The following PIGU variants were observed in gnomAD, a reference collection of about 807,000 sequenced individuals.
PIGU encodes the protein phosphatidylinositol glycan anchor biosynthesis class U, also known as GPI-anchor transamidase component PIGU.
In PIGU, 24 loss-of-function variants were observed where a neutral mutation model predicts 49.9. The observed-to-expected ratio is 0.48, with a 90% CI of 0.35 to 0.68. The LOEUF (loss-of-function observed/expected upper bound fraction) is 0.68. Ranked by LOEUF, PIGU falls within the 30% of genes least tolerant of loss-of-function variation. PIGU has a pLI of 0.01. For missense variants in PIGU, 490 were observed against 532.6 expected (o/e 0.92, Z 0.79); for synonymous variants, 220 against 205.7 (o/e 1.07, Z -0.59).
Position 34,585,455 on chromosome 20 carries a change from G to C in PIGU, c.908C>G (p.Pro303Arg). The change falls in exon 9 of 12, where the codon CCC becomes CGC. Residue 303 changes from proline to arginine, a missense_variant. Transcript: ENST00000217446. ...FQINVFFYTI[P>R]LAIKLKEHPI... The stretch of plus-strand genomic sequence containing the variant: ...CACTTACTTTAGCTTTATGGCTAAG[G>C]GGATGGTGTAGAAGAAGACGTTGAT... 6.2e-7 allele frequency: 1 copy of C among 1,614,180 alleles called. No homozygotes were observed. The highest frequency in any genetic ancestry group is 8.5e-7 in the Non-Finnish European group (1 of 1,179,992).
intron 11 of PIGU, 45 bp from the exon 12 acceptor site, chr20:34,561,024 CT>C (rs1341191327): frequency 7.2e-7 from 1 of 1,384,768 alleles, no homozygotes; most frequent in Non-Finnish European, 1.0e-6. Flanking sequence ...GTACCTCCCC[CT>C]AAACCCAGGA....
chr20:34,580,845 T>G (rs1983431521), intron 10 of PIGU, among the ~76,000 whole-genome samples: 1 of 151,810 alleles, frequency 6.6e-6, no homozygotes, highest in Non-Finnish European at 1.5e-5. Flanking sequence ...CACAGATAGG[T>G]CACCACTAAG....
intron 7 of PIGU, among the ~76,000 whole-genome samples, chr20:34,608,030 CTCT>C (rs1984679849): frequency 6.7e-6 from 1 of 149,312 alleles, no homozygotes; most frequent in African/African-American, 2.5e-5. Flanking sequence ...TGTATTTTTT[CTCT>C]TCTTGCCCTT....
chr20:34,606,288 C>T (rs1390970358), intron 7 of PIGU, among the ~76,000 whole-genome samples: 1 of 150,594 alleles, frequency 6.6e-6, no homozygotes, highest in African/African-American at 2.4e-5. Context: ...TCCCTAACAT[C>T]ATCTAATATC....
In PIGU at chr20:34,566,219, T is replaced by C. The variant is rs554990446; in HGVS notation, c.1195-5240A>G. 2.2e-4 allele frequency among the ~76,000 whole-genome samples: 34 copies of C among 152,346 alleles called. No individual in the cohort carries two copies. The South Asian group carries it at 6.6e-3, about 30-fold the overall frequency. On this transcript the variant is annotated intron_variant, in intron 11 of 11. Coordinates refer to ENST00000217446, the MANE Select transcript of PIGU (RefSeq NM_080476.5). ...TCCTGCCAGGAGTCTTCTCTAACCC[T>C]GCATTGTTACATGGACCCTGAAGTG...
intron 7 of PIGU, among the ~76,000 whole-genome samples, chr20:34,612,008 G>GAT (rs1226978559): frequency 2.0e-5 from 3 of 152,136 alleles, no homozygotes; most frequent in South Asian, 2.1e-4. Flanking sequence ...CCCATTACTG[G>GAT]ATATATACCC....
intron 6 of PIGU, among the ~76,000 whole-genome samples, chr20:34,620,613 C>T (rs1180563974): frequency 6.6e-6 from 1 of 151,922 alleles, no homozygotes; most frequent in Non-Finnish European, 1.5e-5. Flanking sequence ...AGATCGAGAC[C>T]ATCCTGACTA....
At chr20:34,616,862 C>T (rs1300021903) in intron 6 of PIGU, among the ~76,000 whole-genome samples, 2 of 151,994 alleles carry the variant, frequency 1.3e-5, no homozygotes, top group Non-Finnish European at 2.9e-5. Context: ...GCCTATAATC[C>T]CAGCACTTCG....
chr20:34,624,138 G>A (rs746758772), intron 6 of PIGU, among the ~76,000 whole-genome samples: 8 of 130,424 alleles, frequency 6.1e-5, no homozygotes, highest in Non-Finnish European at 1.3e-4. Flanking sequence ...GCTCAGTGAC[G>A]CGGTCATAGT....
intron 8 of PIGU, among the ~76,000 whole-genome samples, 192 bp downstream of exon 8, chr20:34,588,261 A>G (rs1983783004): frequency 6.6e-6 from 1 of 152,180 alleles, no homozygotes. Context: ...CAAAAAAAAA[A>G]GAAAAAAATC....
chr20:34,635,752 G>A (rs2078460073), intron 5 of PIGU, among the ~76,000 whole-genome samples: 1 of 152,092 alleles, frequency 6.6e-6, no homozygotes, highest in South Asian at 2.1e-4. Flanking sequence ...GCACATGCCT[G>A]TAATCCCAGC....
chr20:34,592,291 A>G (rs1984021758), intron 7 of PIGU, among the ~76,000 whole-genome samples: 1 of 151,920 alleles, frequency 6.6e-6, no homozygotes, highest in African/African-American at 2.4e-5. Context: ...AAAAAACAGA[A>G]TAAACCCCAA....
intron 7 of PIGU, among the ~76,000 whole-genome samples, chr20:34,599,644 A>G (rs774121355): frequency 1.3e-5 from 2 of 152,190 alleles, no homozygotes; most frequent in African/African-American, 4.8e-5. Context: ...TGAGGCTGAA[A>G]CTAACTGGCA....
At chr20:34,657,016 C>T (rs907253783) in intron 2 of PIGU, among the ~76,000 whole-genome samples, 164 bp downstream of exon 2, 3 of 152,188 alleles carry the variant, frequency 2.0e-5, no homozygotes, top group Non-Finnish European at 2.9e-5. Context: ...ATTGCAATTG[C>T]AAAACCTCTT....
chr20:34,648,863 T>C (rs1405523774), intron 2 of PIGU, among the ~76,000 whole-genome samples: 2 of 152,002 alleles, frequency 1.3e-5, no homozygotes, highest in African/African-American at 4.8e-5. Flanking sequence ...ATGTGACTGA[T>C]TGATTGACTG....
At chr20:34,601,387 A>G (rs968606153) in intron 7 of PIGU, among the ~76,000 whole-genome samples, 1 of 152,220 alleles carries the variant, frequency 6.6e-6, no homozygotes, top group Non-Finnish European at 1.5e-5. Flanking sequence ...TTAATCTTGC[A>G]GGACTATTCC....
chr20:34,582,576 A>G (rs1290638047), intron 9 of PIGU, among the ~76,000 whole-genome samples: 1 of 152,036 alleles, frequency 6.6e-6, no homozygotes, highest in Non-Finnish European at 1.5e-5. Context: ...GCTATTCAGG[A>G]GGCTGAGGTG....
At chr20:34,626,191 T>A (rs187767715) in intron 6 of PIGU, among the ~76,000 whole-genome samples, 2,493 of 152,128 alleles carry the variant, frequency 0.016, 86 homozygotes, top group African/African-American at 0.058. Context: ...TATTTCTGCA[T>A]TACTTTAGGA....
intron 11 of PIGU, among the ~76,000 whole-genome samples, chr20:34,569,817 G>A (rs996689406): frequency 6.6e-6 from 1 of 152,200 alleles, no homozygotes; most frequent in African/African-American, 2.4e-5. Flanking sequence ...AGTAGTCACT[G>A]AATATTCTTC....
Sources: allele counts gnomAD v4.1 joint callset (sites outside exome capture counted in the v4.1 genomes callset), GRCh38; gene constraint gnomAD v4.1.1; transcripts MANE v1.5; gene names NCBI Gene and HGNC (gene_info 2026-07-23, HGNC 2026-07-21).